Variants in C12orf54 observed in about 807,000 individuals in gnomAD.
C12orf54 encodes chromosome 12 open reading frame 54, also known as uncharacterized protein C12orf54.
A neutral mutation model predicts 26.4 loss-of-function variants in C12orf54; 24 were observed. The ratio of observed to expected loss-of-function variants is 0.91; its 90% CI spans 0.66 to 1.28. The LOEUF is 1.28. Ranked by LOEUF, C12orf54 falls within the 50% of genes most tolerant of loss-of-function variation. The pLI, the probability that C12orf54 is intolerant of heterozygous loss-of-function variation, is 0.00. For missense variants in C12orf54, 154 were observed against 150.9 expected, an observed-to-expected ratio of 1.02 and a Z score of -0.11; for synonymous variants, 54 against 47.0, an observed-to-expected ratio of 1.15 and a Z score of -0.61.
chr12:48,477,589 C>CAAACT (rs1254136070), upstream of C12orf54, among the ~76,000 whole-genome samples: 1 of 152,128 alleles, frequency 6.6e-6, no homozygotes, highest in Admixed American at 6.5e-5. Flanking sequence ...CACAGAAGTA[C>CAAACT]AAACTACCAT....
intron 2 of C12orf54, chr12:48,483,583 A>C (rs1423603430): frequency 3.2e-5 from 16 of 506,264 alleles, no homozygotes; most frequent in Non-Finnish European, 5.6e-5. Context: ...CATCAATTGC[A>C]ATTCCTCTAG....
At chr12:48,472,558 G>T in the C12orf54 span, 3 of 1,338,128 alleles carry the variant, frequency 2.2e-6, no homozygotes, top group Non-Finnish European at 3.1e-6. Flanking sequence ...ATTTACTTTC[G>T]GAGAACCCAG....
At chr12:48,478,641 C>A (rs4280039), upstream of C12orf54, among the ~76,000 whole-genome samples, 135,699 of 152,060 alleles carry the variant, frequency 0.89, 60,586 homozygotes, top group East Asian at 0.97. Context: ...GTGAACTCCC[C>A]TTCACAATTG....
At chr12:48,421,566 G>T in the C12orf54 span, among the ~76,000 whole-genome samples, 25 of 114,944 alleles carry the variant, frequency 2.2e-4, no homozygotes, top group Non-Finnish European at 3.3e-4. Flanking sequence ...GTCTCACCCT[G>T]TCAGCCAGGC....
At chr12:48,452,221 A>G in the C12orf54 span, among the ~76,000 whole-genome samples, 5 of 152,194 alleles carry the variant, frequency 3.3e-5, no homozygotes, top group Admixed American at 2.0e-4. Flanking sequence ...TCTTACAAAA[A>G]CAAGCAATGG....
chr12:48,453,028 A>G, the C12orf54 span, among the ~76,000 whole-genome samples: 1 of 152,192 alleles, frequency 6.6e-6, no homozygotes, highest in African/African-American at 2.4e-5. Flanking sequence ...TGTTATAAAG[A>G]CACATGCACA....
chr12:48,421,081 C>G, the C12orf54 span, among the ~76,000 whole-genome samples: 2 of 152,062 alleles, frequency 1.3e-5, no homozygotes, highest in Non-Finnish European at 2.9e-5. Flanking sequence ...AATTCTTATC[C>G]TTTTGTCTGT....
the C12orf54 span, among the ~76,000 whole-genome samples, chr12:48,450,379 G>A: frequency 2.6e-5 from 4 of 152,078 alleles, no homozygotes; most frequent in Non-Finnish European, 2.9e-5. Context: ...ACATCAAAAA[G>A]CTAAAAAGAT....
At chr12:48,486,492 A>C (rs1227484975) in intron 3 of C12orf54, 196 bp from the exon 4 acceptor site, 1 of 644,042 alleles carries the variant, frequency 1.6e-6, no homozygotes. Context: ...CTAGATCCAG[A>C]GCGAAGCAGG....
intron 2 of C12orf54, among the ~76,000 whole-genome samples, chr12:48,483,730 G>C (rs149526896): frequency 3.3e-5 from 5 of 152,172 alleles, no homozygotes; most frequent in African/African-American, 9.7e-5. Context: ...GTGGAAAAGA[G>C]GGCTAGAATC....
the C12orf54 span, among the ~76,000 whole-genome samples, chr12:48,468,422 A>C: frequency 6.6e-6 from 1 of 152,166 alleles, no homozygotes; most frequent in African/African-American, 2.4e-5. Flanking sequence ...CTTTGTCCTA[A>C]GCATGATGCA....
chr12:48,423,632 A>G, the C12orf54 span, among the ~76,000 whole-genome samples: 1 of 152,122 alleles, frequency 6.6e-6, no homozygotes, highest in East Asian at 1.9e-4. Context: ...GGCTTCCTCT[A>G]TCAAAACTGA....
chr12:48,445,044 G>T, the C12orf54 span, among the ~76,000 whole-genome samples: 1 of 152,152 alleles, frequency 6.6e-6, no homozygotes, highest in Admixed American at 6.5e-5. Flanking sequence ...GGTGGCTTGG[G>T]CCTGTAGTCC....
chr12:48,472,982 A>G, the C12orf54 span: 1 of 1,614,068 alleles, frequency 6.2e-7, no homozygotes, highest in Non-Finnish European at 8.5e-7. Flanking sequence ...TCAGCACAAT[A>G]GAGCCCCTGA....
At chr12:48,442,173 TGA>T in the C12orf54 span, 1 of 171,706 alleles carries the variant, frequency 5.8e-6, no homozygotes, top group African/African-American at 2.4e-5. Flanking sequence ...GAATTTGGCA[TGA>T]GATAGCGGAG....
chr12:48,492,331 G>A (rs1485522347), intron 6 of C12orf54, among the ~76,000 whole-genome samples: 3 of 152,188 alleles, frequency 2.0e-5, no homozygotes, highest in Non-Finnish European at 4.4e-5. Flanking sequence ...GTGAGATCCA[G>A]AGGCTTGTGA....
the C12orf54 span, among the ~76,000 whole-genome samples, chr12:48,435,323 T>G: frequency 2.0e-5 from 3 of 152,186 alleles, no homozygotes; most frequent in Admixed American, 2.0e-4. Flanking sequence ...TGGAACCAAG[T>G]TGGAAAACAC....
chr12:48,476,700 C>T, the C12orf54 span, among the ~76,000 whole-genome samples: 1 of 150,584 alleles, frequency 6.6e-6, no homozygotes, highest in Non-Finnish European at 1.5e-5. Context: ...AGCTAACTAT[C>T]CTAAATATAT....
the C12orf54 span, among the ~76,000 whole-genome samples, chr12:48,430,121 A>G: frequency 6.6e-6 from 1 of 152,102 alleles, no homozygotes; most frequent in African/African-American, 2.4e-5. Context: ...ATGAAACTGG[A>G]TCCTCATCTC....
Sources: gnomAD v4.1 joint callset for allele counts (sites outside exome capture counted in the v4.1 genomes callset) on GRCh38, gnomAD v4.1.1 for gene constraint, MANE v1.5 for transcripts, NCBI Gene and HGNC (gene_info 2026-07-23, HGNC 2026-07-21) for gene names.